WWP1: variants seen among roughly 807,000 people sequenced by gnomAD.
The protein encoded by WWP1 is NEDD4-like E3 ubiquitin-protein ligase WWP1.
WWP1 carries 49 observed loss-of-function variants against 130.6 expected under a neutral mutation model. The observed-to-expected ratio is 0.38, with a 90% CI of 0.30 to 0.48. The LOEUF (loss-of-function observed/expected upper bound fraction) is 0.48, where lower values mean the gene tolerates loss of function less well. Ranked by LOEUF, WWP1 falls within the 20% of genes least tolerant of loss-of-function variation. The pLI, the probability that WWP1 is intolerant of heterozygous loss-of-function variation, is 0.99. For synonymous variants in WWP1, 332 were observed against 367.8 expected (o/e 0.90, Z 1.11); for missense variants, 809 against 1,100.6 (o/e 0.74, Z 3.75).
At chr8:86,398,828 TATATC>T (rs2130488451) in intron 7 of WWP1, among the ~76,000 whole-genome samples, 190 bp downstream of exon 7, 1 of 152,354 alleles carries the variant, frequency 6.6e-6, no homozygotes, top group Non-Finnish European at 1.5e-5. Context: ...ATATCATACA[TATATC>T]ATGAAATTCA....
intron 1 of WWP1, among the ~76,000 whole-genome samples, chr8:86,354,021 AT>A (rs1386917207): frequency 2.6e-5 from 4 of 152,216 alleles, no homozygotes; most frequent in Non-Finnish European, 5.9e-5. Flanking sequence ...CCATTAACGT[AT>A]TGGCTATTTA....
intron 5 of WWP1, among the ~76,000 whole-genome samples, chr8:86,390,479 G>C (rs570433524): frequency 8.5e-5 from 13 of 152,188 alleles, no homozygotes; most frequent in Admixed American, 8.5e-4. Flanking sequence ...GATCACTCGC[G>C]GTCAGGAGCT....
Position 86,368,937 on chromosome 8 carries a change from A to G in WWP1, c.-114-2A>G, listed in dbSNP as rs1014267147. On this transcript the variant is annotated splice_acceptor_variant, in intron 1 of 24. Coordinates refer to ENST00000517970, the MANE Select transcript of WWP1 (RefSeq NM_007013.4). LOFTEE classifies it low-confidence loss of function (5UTR_SPLICE). Reference sequence around the variant, plus strand: ...CACTGAAAGCTATTTATTTGTTTACAGGGTTGTCTCCTCACAGACTATGAG... The same window carrying G: ...CACTGAAAGCTATTTATTTGTTTACGGGGTTGTCTCCTCACAGACTATGAG... The G allele has an allele frequency of 2.0e-5, 3 of 152,192 alleles. No individual in the cohort carries two copies. Among genetic ancestry groups the G allele is most frequent in the Non-Finnish European group, 4.4e-5 (3 of 68,030 alleles). 9.4% of individuals were successfully genotyped at this position (152,192 alleles called of 1,614,324 possible).
chr8:86,431,298 GAT>G (rs1028073200), intron 12 of WWP1, 106 bp from the exon 13 acceptor site: 1 of 248,368 alleles, frequency 4.0e-6, no homozygotes, highest in African/African-American at 2.5e-5. Context: ...ATATATCCCT[GAT>G]ATGTTTTTAT....
At chr8:86,424,403 G>A (rs1306175564) in intron 9 of WWP1, among the ~76,000 whole-genome samples, 1 of 152,002 alleles carries the variant, frequency 6.6e-6, no homozygotes, top group Non-Finnish European at 1.5e-5. Context: ...CAGACGGGGT[G>A]GCGGCCGGGC....
intron 9 of WWP1, among the ~76,000 whole-genome samples, chr8:86,423,055 G>A (rs1366013560): frequency 7.0e-6 from 1 of 142,028 alleles, no homozygotes; most frequent in Non-Finnish European, 1.5e-5. Flanking sequence ...TAAGTTGAAG[G>A]TTTCTTCATT....
Position 86,442,770 on chromosome 8 carries a change from A to G in WWP1, c.1990A>G (p.Ile664Val). The change falls in exon 18 of 25, where the codon ATT becomes GTT. Residue 664 changes from isoleucine to valine, a missense_variant. Physicochemically the swap from Ile to Val is conservative, Grantham distance 29. This residue lies in a region of WWP1 where 450 missense variants were observed against 674.2 expected (regional missense o/e 0.67). Transcript: ENST00000517970. The part of the protein sequence containing the change: ...LSYFCFIGRF[I>V]AMALFHGKFI... ...ATACTTCTGTTTCATTGGTCGTTTT[A>G]TTGCCATGGTGAGTTCCTGACTTTA... 1 of 1,606,926 alleles carries G rather than the reference A, an allele frequency of 6.2e-7. No homozygotes were observed. The highest frequency in any genetic ancestry group is 8.5e-7 in the Non-Finnish European group (1 of 1,177,862).
At chr8:86,451,331 G>A (rs1007213237) in intron 20 of WWP1, among the ~76,000 whole-genome samples, 1 of 150,406 alleles carries the variant, frequency 6.6e-6, no homozygotes, top group Non-Finnish European at 1.5e-5. Context: ...GTATTAAGGG[G>A]ATAAGTTGAT....
intron 7 of WWP1, among the ~76,000 whole-genome samples, chr8:86,399,733 T>G (rs1465512024): frequency 6.6e-6 from 1 of 152,212 alleles, no homozygotes; most frequent in Non-Finnish European, 1.5e-5. Context: ...CGCTTTGAAT[T>G]AAAGATTAGT....
chr8:86,395,367 C>T (rs1301879617), intron 5 of WWP1, among the ~76,000 whole-genome samples: 1 of 151,462 alleles, frequency 6.6e-6, no homozygotes, highest in Non-Finnish European at 1.5e-5. Context: ...TCAAATAAAA[C>T]TTTATTTATG....
intron 3 of WWP1, among the ~76,000 whole-genome samples, chr8:86,377,501 A>AT (rs879437914): frequency 0.012 from 1,764 of 146,930 alleles, 12 homozygotes; most frequent in Middle Eastern, 0.014. Flanking sequence ...CCCTAAGCCA[A>AT]TTTTTTTTTT....
At chr8:86,460,442 T>C (rs991544247) in intron 22 of WWP1, among the ~76,000 whole-genome samples, 9 of 152,206 alleles carry the variant, frequency 5.9e-5, no homozygotes, top group Admixed American at 4.6e-4. Context: ...CATTTCCTTA[T>C]ATGTACAGTG....
chr8:86,387,618 T>G lies in WWP1; in HGVS notation c.334+5989T>G, dbSNP rs193133540. Among the ~76,000 whole-genome samples, 303 of 152,172 alleles carry G rather than the reference T, an allele frequency of 2.0e-3. 3 individuals carry two copies. Among genetic ancestry groups the G allele is most frequent in the Middle Eastern group, 6.8e-3 (2 of 294 alleles). On this transcript the variant is annotated intron_variant, in intron 5 of 24. Transcript: ENST00000517970. ...GCCTTTGCCTCCTAGGTTCAAGCAA[T>G]TCTCCCACCTCAGCCTCCTGAGTAA...
At chr8:86,349,992 C>G (rs537583943) in intron 1 of WWP1, among the ~76,000 whole-genome samples, 5 of 152,026 alleles carry the variant, frequency 3.3e-5, no homozygotes, top group Non-Finnish European at 5.9e-5. Flanking sequence ...ACCTGTCCCC[C>G]ACGCGCTCCA....
At chr8:86,362,694 A>G (rs975394034) in intron 1 of WWP1, among the ~76,000 whole-genome samples, 1 of 152,186 alleles carries the variant, frequency 6.6e-6, no homozygotes, top group African/African-American at 2.4e-5. Context: ...ATCCTAGAAG[A>G]TGACAGTGTG....
At chr8:86,403,782 G>A (rs17682190) in intron 8 of WWP1, among the ~76,000 whole-genome samples, 8,234 of 151,016 alleles carry the variant, frequency 0.055, 313 homozygotes, top group Non-Finnish European at 0.086. Flanking sequence ...GGTTTCCCAA[G>A]TACTCACAGT....
chr8:86,359,765 C>T lies in WWP1; in HGVS notation c.-114-9174C>T, dbSNP rs546669048. On this transcript the variant is annotated intron_variant, in intron 1 of 24. Coordinates refer to ENST00000517970, the MANE Select transcript of WWP1 (RefSeq NM_007013.4). Reference sequence around the variant, plus strand: ...ACTCTCTTTCATCATTAAAAACAGTCCTCGGCGGGCGCAGTGGCTCACGCC... The same window carrying T: ...ACTCTCTTTCATCATTAAAAACAGTTCTCGGCGGGCGCAGTGGCTCACGCC... Among the ~76,000 whole-genome samples, 12 of 152,094 alleles carry T rather than the reference C, an allele frequency of 7.9e-5. No individual in the cohort carries two copies. In the South Asian group the frequency reaches 2.5e-3, roughly 32 times the overall value.
At position 86,425,284 on chromosome 8, in the gene WWP1, A is replaced by T. The variant is rs769739686; in HGVS notation, c.1123A>T (p.Thr375Ser). The T allele has an allele frequency of 4.8e-5, 77 of 1,613,238 alleles. No homozygotes were observed. The highest frequency in any genetic ancestry group is 6.4e-5 in the Non-Finnish European group (75 of 1,179,632). The part of the protein sequence containing the change: ...TYYVDHNTRT[T>S]TWERPQPLPP... ...TTATGTGGATCATAATACTCGAACT[A>T]CCACATGGGAGAGACCACAACCTTT... The change falls in exon 10 of 25, where the codon ACC (threonine) becomes TCC (serine). Residue 375 changes from threonine (T) to serine (S), a missense_variant. Thr to Ser is a moderately conservative substitution (Grantham distance 58). Around this residue, in one of 3 missense-constraint regions of WWP1, gnomAD observed 450 missense variants for 674.2 expected, o/e 0.67. Transcript: ENST00000517970.
chr8:86,405,430 C>T (rs1035848415), intron 8 of WWP1, among the ~76,000 whole-genome samples: 2 of 149,510 alleles, frequency 1.3e-5, no homozygotes, highest in African/African-American at 2.5e-5. Flanking sequence ...CTGTGCATAT[C>T]TCTACATTTC....
Sources: gnomAD v4.1 joint callset for allele counts (sites outside exome capture counted in the v4.1 genomes callset) on GRCh38, gnomAD v4.1.1 for gene constraint, gnomAD v4.1.1 regional missense constraint, MANE v1.5 for transcripts, NCBI Gene and HGNC (gene_info 2026-07-23, HGNC 2026-07-21) for gene names.